The following CD180 variants were observed in gnomAD, a reference collection of about 807,000 sequenced individuals.
The protein encoded by CD180 is CD180 antigen.
CD180 carries 11 observed loss-of-function variants against 10.7 expected under a neutral mutation model. The ratio of observed to expected loss-of-function variants is 1.03; its 90% confidence interval spans 0.65 to 1.70. CD180 has a LOEUF of 1.70. CD180 is among the 40% of genes most tolerant of loss of function. CD180 has a pLI of 0.00. For missense variants in CD180, 729 were observed against 775.2 expected (o/e 0.94, Z 0.71); for synonymous variants, 286 against 294.6 (o/e 0.97, Z 0.30).
intron 1 of CD180, among the ~76,000 whole-genome samples, chr5:67,192,661 A>G (rs1203580515): frequency 6.6e-6 from 1 of 152,078 alleles, no homozygotes; most frequent in Non-Finnish European, 1.5e-5. Flanking sequence ...ACTCATTATC[A>G]CCAAGACAGC....
intron 1 of CD180, among the ~76,000 whole-genome samples, chr5:67,193,054 T>C (rs961615981): frequency 6.6e-6 from 1 of 152,200 alleles, no homozygotes; most frequent in Non-Finnish European, 1.5e-5. Context: ...AATTTCTCTC[T>C]ATGGAGGCCA....
At position 67,181,812 on chromosome 5, in the gene CD180, G is replaced by T. The variant is rs1742053207; in HGVS notation, c.*1045C>A. 1 of 152,152 alleles carries T rather than the reference G, an allele frequency of 6.6e-6. No individual in the cohort carries two copies. The highest frequency in any genetic ancestry group is 2.4e-5 in the African/African-American group (1 of 41,410). The allele number at this position is 152,152 out of a possible 1,614,324, so 9.4% of individuals were successfully genotyped here. On this transcript the variant is annotated 3_prime_UTR_variant, in exon 3 of 3. Coordinates refer to ENST00000256447, the MANE Select transcript of CD180 (RefSeq NM_005582.3). ...CTGTCCATGGCTGGTGTGACCTTTGGTGACATCCCCAGCCTCAACAGAAAC... is the reference window on the plus strand; with the variant it reads ...CTGTCCATGGCTGGTGTGACCTTTGTTGACATCCCCAGCCTCAACAGAAAC...
At position 67,184,009 on chromosome 5, in the gene CD180, G is replaced by T. The variant is rs776548286; in HGVS notation, c.834C>A (p.Ser278Arg). The change falls in exon 3 of 3, where the codon AGC becomes AGA. Residue 278 changes from serine to arginine, a missense_variant. Ser to Arg is a moderately radical substitution (Grantham distance 110, BLOSUM62 -1). Transcript: ENST00000256447. ...LKGLCEMSVESLNLQEHRFSD... is the reference protein window; with the variant it reads ...LKGLCEMSVERLNLQEHRFSD... Reference sequence around the variant, plus strand: ...AGAAGCGGTGTTCCTGCAGGTTGAGGCTCTCAACAGACATTTCACAGAGTC... The same window carrying T: ...AGAAGCGGTGTTCCTGCAGGTTGAGTCTCTCAACAGACATTTCACAGAGTC... The T allele has an allele frequency of 2.7e-5, 43 of 1,614,004 alleles. No individual in the cohort carries two copies. The highest frequency in any genetic ancestry group is 3.3e-5 in the Admixed American group (2 of 60,022).
Position 67,183,008 on chromosome 5 carries a change from G to A in CD180, c.1835C>T (p.Ser612Phe), listed in dbSNP as rs1052094146. 1.2e-6 allele frequency: 2 copies of A among 1,614,112 alleles called. No homozygotes were observed. The highest frequency in any genetic ancestry group is 2.7e-5 in the African/African-American group (2 of 74,924). The change falls in exon 3 of 3, where the codon TCT becomes TTT. Residue 612 changes from serine (S) to phenylalanine (F), a missense_variant. Ser to Phe is a radical substitution (Grantham distance 155). Coordinates refer to ENST00000256447, the MANE Select transcript of CD180 (RefSeq NM_005582.3). ...ATCAGATAGCTTAACTCCCCTTAGAGATGGCGGGTTTGCACACGTGGTCTC... is the reference window on the plus strand; with the variant it reads ...ATCAGATAGCTTAACTCCCCTTAGAAATGGCGGGTTTGCACACGTGGTCTC... The part of the protein sequence containing the change: ...SEETTCANPP[S>F]LRGVKLSDVK...
chr5:67,187,429 A>G (rs1434132957), intron 1 of CD180, among the ~76,000 whole-genome samples: 1 of 152,234 alleles, frequency 6.6e-6, no homozygotes, highest in African/African-American at 2.4e-5. Context: ...CTGATACCAG[A>G]CAGTAGGCTT....
At position 67,195,172 on chromosome 5, in the gene CD180, A is replaced by G. The variant is rs528691449; in HGVS notation, c.90+1380T>C. ...TTCTCTTGTTTAAGTCACCTAGTCT[A>G]TGGTATTCAGGGTTTTTTTGGTTTG... On this transcript the variant is annotated intron_variant, in intron 1 of 2. Coordinates refer to ENST00000256447, the MANE Select transcript of CD180 (RefSeq NM_005582.3). Among the ~76,000 whole-genome samples the G allele has an allele frequency of 6.6e-5, 10 of 152,178 alleles. No homozygotes were observed. The East Asian group carries it at 1.7e-3, about 26-fold the overall frequency.
chr5:67,194,688 T>C (rs1742368497), intron 1 of CD180, among the ~76,000 whole-genome samples: 1 of 152,240 alleles, frequency 6.6e-6, no homozygotes, highest in Non-Finnish European at 1.5e-5. Flanking sequence ...GGATTGATTT[T>C]GTCTGGGCAG....
At chr5:67,186,877 A>ATGTGTGTGTGTGTGTGT (rs1561235932) in intron 1 of CD180, among the ~76,000 whole-genome samples, 62 of 112,758 alleles carry the variant, frequency 5.5e-4, no homozygotes, top group African/African-American at 2.3e-3. Flanking sequence ...TGTGTGTGAA[A>ATGTGTGTGTGTGTGTGT]GAGAGAGAGA....
At chr5:67,191,779 A>G (rs1742310329) in intron 1 of CD180, among the ~76,000 whole-genome samples, 3 of 152,192 alleles carry the variant, frequency 2.0e-5, no homozygotes. Flanking sequence ...AACATGTAGC[A>G]TTTGACAATG....
rs372828314 is a variant in CD180 at position 67,183,722 on chromosome 5, G to T, written c.1121C>A (p.Thr374Lys). Residue 374 changes from threonine (T) to lysine (K), a missense_variant, in exon 3 of 3, where the codon ACA becomes AAA. Physicochemically the swap from Thr to Lys is moderately conservative, Grantham distance 78. Coordinates refer to ENST00000256447, the MANE Select transcript of CD180 (RefSeq NM_005582.3). ...TATGTCATTATGGCTTAAATCAAGT[G>T]TCTGAAGGTTTCCTAGTTTCTCCAA... is the stretch of plus-strand genomic sequence containing the variant. ...GCLEKLGNLQTLDLSHNDIEA... is the reference protein window; with the variant it reads ...GCLEKLGNLQKLDLSHNDIEA... 15 of 1,614,164 alleles carry T rather than the reference G, an allele frequency of 9.3e-6. No homozygotes were observed. The highest frequency in any genetic ancestry group is 1.3e-5 in the Non-Finnish European group (15 of 1,180,034).
At chr5:67,192,826 G>T (rs939431548) in intron 1 of CD180, among the ~76,000 whole-genome samples, 1 of 152,054 alleles carries the variant, frequency 6.6e-6, no homozygotes, top group Non-Finnish European at 1.5e-5. Flanking sequence ...AAATACAGCC[G>T]AGCAGCCACT....
Position 67,183,575 on chromosome 5 carries a change from T to A in CD180, c.1268A>T (p.Glu423Val). 1 of 1,614,178 alleles carries A rather than the reference T, an allele frequency of 6.2e-7. No individual in the cohort carries two copies. Among genetic ancestry groups the A allele is most frequent in the Non-Finnish European group, 8.5e-7 (1 of 1,180,028 alleles). ...SQAFKECPQLELLDLAFTRLH... is the reference protein window; with the variant it reads ...SQAFKECPQLVLLDLAFTRLH... The stretch of plus-strand genomic sequence containing the variant: ...GCGGGTAAATGCCAAATCGAGGAGT[T>A]CTAGCTGAGGACATTCTTTGAATGC... The change falls in exon 3 of 3, where the codon GAA becomes GTA. Residue 423 changes from glutamate to valine, a missense_variant. Transcript: ENST00000256447.
At position 67,196,591 on chromosome 5, in the gene CD180, G is replaced by A. The variant is rs1742408988; in HGVS notation, c.51C>T (p.Gly17=). Residue 17 remains glycine, a synonymous_variant, in exon 1 of 3, where the codon GGC becomes GGT. Coordinates refer to ENST00000256447, the MANE Select transcript of CD180 (RefSeq NM_005582.3). ...CFFWVVLFSA[G]CKVITSWDQM... ...GATCCCAGGAGGTGATGACTTTACAGCCGGCAGAAAACAGCACCACCCAAA... is the reference window on the plus strand; with the variant it reads ...GATCCCAGGAGGTGATGACTTTACAACCGGCAGAAAACAGCACCACCCAAA... 1 of 1,613,980 alleles carries A rather than the reference G, an allele frequency of 6.2e-7. No individual in the cohort carries two copies. The highest frequency in any genetic ancestry group is 8.5e-7 in the Non-Finnish European group (1 of 1,179,964).
chr5:67,185,744 G>T, intron 2 of CD180, 107 bp downstream of exon 2: 1 of 711,350 alleles, frequency 1.4e-6, no homozygotes, highest in Non-Finnish European at 2.2e-6. Flanking sequence ...TGTAGTATAA[G>T]CAGATTGTCC....
rs922260085 is a variant in CD180, at chr5:67,180,206, G to A, written c.*2651C>T. On this transcript the variant is annotated 3_prime_UTR_variant, in exon 3 of 3. Coordinates refer to ENST00000256447, the MANE Select transcript of CD180 (RefSeq NM_005582.3). Reference sequence around the variant, plus strand: ...AAAGCAGGATGGGCAATTATGCTTTGCTAAGGCCTGGGCCCCTTTCATTGT... The same window carrying A: ...AAAGCAGGATGGGCAATTATGCTTTACTAAGGCCTGGGCCCCTTTCATTGT... 8 of 152,258 alleles carry A rather than the reference G, an allele frequency of 5.3e-5. No homozygotes were observed. Among genetic ancestry groups the A allele is most frequent in the African/African-American group, 1.4e-4 (6 of 41,464 alleles). 9.4% of individuals were successfully genotyped at this position (152,258 alleles called of 1,614,324 possible).
chr5:67,184,582 G>A lies in CD180; in HGVS notation c.261C>T (p.Cys87=), dbSNP rs530000422. 8.9e-6 allele frequency: 14 copies of A among 1,580,218 alleles called. No homozygotes were observed. The Admixed American group carries it at 1.4e-4, about 16-fold the overall frequency. ...TGTCTTCATGTATCCAGTTAATCTG[G>A]CACCTTGAAAAGATAATCGTATTTA... ...MNLTFLDLTR[C]QINWIHEDTF... Residue 87 remains cysteine (C), a synonymous_variant, in exon 3 of 3, where the codon TGC becomes TGT. Coordinates refer to ENST00000256447, the MANE Select transcript of CD180 (RefSeq NM_005582.3).
chr5:67,182,646 C>T lies in CD180; in HGVS notation c.*211G>A. ...GTGCCTCTCACAGCAGCATCTGACC[C>T]TCTGGACTGAGTCATTCGGTGTACT... On this transcript the variant is annotated 3_prime_UTR_variant, in exon 3 of 3. Transcript: ENST00000256447. 1 of 478,818 alleles carries T rather than the reference C, an allele frequency of 2.1e-6. No individual in the cohort carries two copies. Among genetic ancestry groups the T allele is most frequent in the East Asian group, 3.5e-5 (1 of 28,282 alleles). 29.7% of individuals were successfully genotyped at this position (478,818 alleles called of 1,614,324 possible). A position where few individuals can be genotyped will look rare whatever the true frequency, so the allele number is the denominator to read the frequency against.
chr5:67,193,341 C>A (rs1282437022), intron 1 of CD180, among the ~76,000 whole-genome samples: 2 of 152,148 alleles, frequency 1.3e-5, no homozygotes, highest in Admixed American at 6.5e-5. Context: ...CCTTGAAAAA[C>A]GGCCAAACCC....
chr5:67,183,038 G>A lies in CD180; in HGVS notation c.1805C>T (p.Ser602Leu), dbSNP rs746274461. 1.2e-5 allele frequency: 19 copies of A among 1,613,782 alleles called. No individual in the cohort carries two copies. Among genetic ancestry groups the A allele is most frequent in the African/African-American group, 2.7e-5 (2 of 74,902 alleles). Residue 602 changes from serine (S) to leucine (L), a missense_variant, in exon 3 of 3, where the codon TCG becomes TTG. Physicochemically the swap from Ser to Leu is moderately radical, Grantham distance 145. Transcript: ENST00000256447. ...CGGGTTTGCACACGTGGTCTCCTCC[G>A]AGCCTTCAAGTTTGTGCAGGTTTTC... ...YKENLHKLEG[S>L]EETTCANPPS...
Sources: gnomAD v4.1 joint callset for allele counts (sites outside exome capture counted in the v4.1 genomes callset) on GRCh38, gnomAD v4.1.1 for gene constraint, MANE v1.5 for transcripts, NCBI Gene and HGNC (gene_info 2026-07-23, HGNC 2026-07-21) for gene names.